The following ANAPC13 variants were observed in gnomAD, a reference collection of about 807,000 sequenced individuals.
ANAPC13 encodes the protein anaphase-promoting complex subunit 13.
A neutral mutation model predicts 9.6 loss-of-function variants in ANAPC13; 9 were observed. The ratio of observed to expected loss-of-function variants is 0.94; its 90% CI spans 0.57 to 1.64. The LOEUF is 1.64. Among genes scored for constraint, ANAPC13 ranks in the 40% most tolerant of loss-of-function variants. ANAPC13 has a pLI of 0.00. For synonymous variants in ANAPC13, 30 were observed against 29.7 expected (o/e 1.01, Z -0.03); for missense variants, 75 against 85.3 (o/e 0.88, Z 0.48).
intron 1 of ANAPC13, among the ~76,000 whole-genome samples, chr3:134,484,337 G>C (rs922502095): frequency 6.6e-6 from 1 of 151,828 alleles, no homozygotes; most frequent in Non-Finnish European, 1.5e-5. Flanking sequence ...CCGAGATAGC[G>C]CCACGCGCCA....
Position 134,478,505 on chromosome 3 carries a change from C to G in ANAPC13, c.*85G>C. 6.6e-7 allele frequency: 1 copy of G among 1,511,286 alleles called. No homozygotes were observed. Among genetic ancestry groups the G allele is most frequent in the Non-Finnish European group, 8.9e-7 (1 of 1,117,706 alleles). The allele number at this position is 1,511,286 out of a possible 1,614,324, so 93.6% of individuals were successfully genotyped here. ...CATTTTTGAGTGCTGATTTATTACTCAAAGGTTTGAATTTGGAGACTGAAA... is the reference window on the plus strand; with the variant it reads ...CATTTTTGAGTGCTGATTTATTACTGAAAGGTTTGAATTTGGAGACTGAAA... On this transcript the variant is annotated 3_prime_UTR_variant, in exon 3 of 3. Coordinates refer to ENST00000354910, the MANE Select transcript of ANAPC13 (RefSeq NM_015391.4).
chr3:134,483,433 C>G (rs1054767146), intron 1 of ANAPC13, among the ~76,000 whole-genome samples: 2 of 152,184 alleles, frequency 1.3e-5, no homozygotes, highest in Non-Finnish European at 2.9e-5. Flanking sequence ...GAATAAAGCA[C>G]TTCTAGGTGA....
intron 1 of ANAPC13, among the ~76,000 whole-genome samples, chr3:134,484,018 A>T (rs1934820896): frequency 1.3e-5 from 2 of 152,078 alleles, no homozygotes; most frequent in South Asian, 2.1e-4. Context: ...GTGTTATCTC[A>T]GTATGTTCAT....
chr3:134,479,662 T>G (rs1934693617), intron 2 of ANAPC13, among the ~76,000 whole-genome samples: 1 of 152,166 alleles, frequency 6.6e-6, no homozygotes, highest in Non-Finnish European at 1.5e-5. Flanking sequence ...CATGTCTATA[T>G]TATAATAAAA....
chr3:134,482,932 C>G lies in ANAPC13; in HGVS notation c.-27-1G>C. ...TCCTGCAGCTTTGATCTTGTCAAAT[C>G]TGTAAGCCAAAGAGGTTATTTCTTA... On this transcript the variant is annotated splice_acceptor_variant, in intron 1 of 2. Coordinates refer to ENST00000354910, the MANE Select transcript of ANAPC13 (RefSeq NM_015391.4). LOFTEE classifies it low-confidence loss of function (5UTR_SPLICE). 6.4e-7 allele frequency: 1 copy of G among 1,570,342 alleles called. No individual in the cohort carries two copies. The highest frequency in any genetic ancestry group is 8.8e-7 in the Non-Finnish European group (1 of 1,140,112).
upstream of ANAPC13, chr3:134,485,991 G>GC (rs5852785): frequency 1.5e-3 from 1,428 of 939,608 alleles, 11 homozygotes; most frequent in African/African-American, 0.01. Flanking sequence ...CTCCTGCCAC[G>GC]CCCCCCCCCC....
intron 2 of ANAPC13, among the ~76,000 whole-genome samples, chr3:134,482,168 G>A (rs1934748326): frequency 1.3e-5 from 2 of 152,132 alleles, no homozygotes; most frequent in African/African-American, 4.8e-5. Context: ...AAGAAAAACA[G>A]TCCTGTTTTC....
chr3:134,479,569 G>C (rs1243575556), intron 2 of ANAPC13, among the ~76,000 whole-genome samples: 2 of 151,756 alleles, frequency 1.3e-5, no homozygotes, highest in Admixed American at 1.3e-4. Flanking sequence ...GGCTGGTCTC[G>C]AACTCCCAAC....
Position 134,477,980 on chromosome 3 carries a change from T to C in ANAPC13, c.*610A>G, listed in dbSNP as rs1934648969. 1 of 152,288 alleles carries C rather than the reference T, an allele frequency of 6.6e-6. No homozygotes were observed. Among genetic ancestry groups the C allele is most frequent in the Non-Finnish European group, 1.5e-5 (1 of 68,058 alleles). The allele number at this position is 152,288 out of a possible 1,614,324, so 9.4% of individuals were successfully genotyped here. ...CTTTGAATAAAACTAGTCATCCACC[T>C]AGCCAAAGATCCTTTCCAGCAGCAC... On this transcript the variant is annotated 3_prime_UTR_variant, in exon 3 of 3. Transcript: ENST00000354910.
At position 134,478,637 on chromosome 3, in the gene ANAPC13, A is replaced by G. The variant is rs200221769; in HGVS notation, c.178T>C (p.Leu60=). 6.2e-7 allele frequency: 1 copy of G among 1,614,172 alleles called. No homozygotes were observed. Among genetic ancestry groups the G allele is most frequent in the Admixed American group, 1.7e-5 (1 of 60,030 alleles). Reference sequence around the variant, plus strand: ...TTCTCATGGAGGTACTGTAAGGCTAAGTCTGTCCACTTCATTTCTTGTTCT... The same window carrying G: ...TTCTCATGGAGGTACTGTAAGGCTAGGTCTGTCCACTTCATTTCTTGTTCT... ...VKEQEMKWTD[L]ALQYLHENVP... The change falls in exon 3 of 3, where the codon TTA becomes CTA. Residue 60 remains leucine (L), a synonymous_variant. Transcript: ENST00000354910.
In ANAPC13 at chr3:134,478,629, T is replaced by C; in HGVS notation, c.186A>G (p.Leu62=). The C allele has an allele frequency of 6.2e-7, 1 of 1,614,136 alleles. No individual in the cohort carries two copies. The highest frequency in any genetic ancestry group is 1.1e-5 in the South Asian group (1 of 91,078). Residue 62 remains leucine (L), a synonymous_variant, in exon 3 of 3, where the codon TTA becomes TTG. Coordinates refer to ENST00000354910, the MANE Select transcript of ANAPC13 (RefSeq NM_015391.4). ...GGGGAACATTCTCATGGAGGTACTG[T>C]AAGGCTAAGTCTGTCCACTTCATTT... ...EQEMKWTDLA[L]QYLHENVPPI... is the part of the protein sequence containing the mutation.
chr3:134,485,059 G>C (rs957280408), intron 1 of ANAPC13, among the ~76,000 whole-genome samples: 1 of 152,096 alleles, frequency 6.6e-6, no homozygotes. Flanking sequence ...TTCCAGCCTT[G>C]ACAGTTAAAA....
At chr3:134,485,991 G>GGGGCC, upstream of ANAPC13, 2 of 938,164 alleles carry the variant, frequency 2.1e-6, no homozygotes, top group Non-Finnish European at 2.5e-6. Context: ...CTCCTGCCAC[G>GGGGCC]CCCCCCCCCC....
chr3:134,481,917 A>G (rs2370577), intron 2 of ANAPC13, among the ~76,000 whole-genome samples: 101 of 152,358 alleles, frequency 6.6e-4, no homozygotes, highest in African/African-American at 2.4e-3. Context: ...CTGGTATTCA[A>G]TAAATGACAT....
In ANAPC13 at chr3:134,478,684, C is replaced by G. The variant is rs201280783; in HGVS notation, c.131G>C (p.Gly44Ala). The change falls in exon 3 of 3, where the codon GGT becomes GCT. Residue 44 changes from glycine to alanine, a missense_variant. Physicochemically the swap from Gly to Ala is moderately conservative, Grantham distance 60. Coordinates refer to ENST00000354910, the MANE Select transcript of ANAPC13 (RefSeq NM_015391.4). ...TTCTTTGACAGATTCTGTGGTGCCA[C>G]CATTGTCTTGTTCAGGTTCAGGAAG... Reference protein sequence around the residue: ...NELPEPEQDNGGTTESVKEQE... With the variant: ...NELPEPEQDNAGTTESVKEQE... The G allele has an allele frequency of 6.2e-7, 1 of 1,614,110 alleles. No homozygotes were observed. Among genetic ancestry groups the G allele is most frequent in the Non-Finnish European group, 8.5e-7 (1 of 1,180,016 alleles).
At chr3:134,482,713 C>T (rs1934762927) in intron 2 of ANAPC13, 93 bp downstream of exon 2, 5 of 994,602 alleles carry the variant, frequency 5.0e-6, no homozygotes, top group African/African-American at 1.6e-5. Flanking sequence ...GATTTCTTTG[C>T]CACACTAGTT....
rs881205 is a variant in ANAPC13, at chr3:134,481,759, C to A, written c.99+1047G>T. ...AGACCTAGGTATATGTTATATGAAG[C>A]CCTACTTACCTGCTACCAGACTTTG... On this transcript the variant is annotated intron_variant, in intron 2 of 2. Transcript: ENST00000354910. Among the ~76,000 whole-genome samples the A allele has an allele frequency of 1.1e-3, 171 of 152,292 alleles. 2 individuals carry two copies. The East Asian group carries it at 0.029, about 25-fold the overall frequency.
chr3:134,482,076 A>C (rs1200430030), intron 2 of ANAPC13, among the ~76,000 whole-genome samples: 1 of 152,214 alleles, frequency 6.6e-6, no homozygotes, highest in Non-Finnish European at 1.5e-5. Context: ...TTTCTTTGCA[A>C]ACAGCAACAG....
chr3:134,479,752 A>T (rs1171113023), intron 2 of ANAPC13, among the ~76,000 whole-genome samples: 1 of 152,196 alleles, frequency 6.6e-6, no homozygotes, highest in Non-Finnish European at 1.5e-5. Context: ...GCAACAAAAA[A>T]CACAACAAAT....
Sources: gnomAD v4.1 joint callset for allele counts (sites outside exome capture counted in the v4.1 genomes callset) on GRCh38, gnomAD v4.1.1 for gene constraint, MANE v1.5 for transcripts, NCBI Gene and HGNC (gene_info 2026-07-23, HGNC 2026-07-21) for gene names.